The following SMAP2 variants were observed in gnomAD, a reference collection of about 807,000 sequenced individuals.
SMAP2 encodes stromal membrane-associated protein 2.
A neutral mutation model predicts 56.4 loss-of-function variants in SMAP2; 25 were observed. The observed-to-expected ratio is 0.44, with a 90% CI of 0.32 to 0.62. The LOEUF (loss-of-function observed/expected upper bound fraction) is 0.62, where lower values mean the gene tolerates loss of function less well. Ranked by LOEUF, SMAP2 falls within the 20% of genes least tolerant of loss-of-function variation. The probability of loss-of-function intolerance (pLI) is 0.04; values close to 1 mark genes in which losing one functional copy is unlikely to be tolerated. For synonymous variants in SMAP2, 157 were observed against 181.7 expected (o/e 0.86, Z 1.09); for missense variants, 388 against 545.6 (o/e 0.71, Z 2.88).
At chr1:40,419,659 A>G (rs1645024110) in intron 9 of SMAP2, among the ~76,000 whole-genome samples, 1 of 152,244 alleles carries the variant, frequency 6.6e-6, no homozygotes, top group African/African-American at 2.4e-5. Flanking sequence ...GATGGAGTTG[A>G]GACCAAACAT....
At chr1:40,383,503 G>A (rs1278780740) in intron 1 of SMAP2, among the ~76,000 whole-genome samples, 1 of 152,196 alleles carries the variant, frequency 6.6e-6, no homozygotes, top group Non-Finnish European at 1.5e-5. Flanking sequence ...TCCCCTTATA[G>A]TATTTGAATT....
chr1:40,413,947 G>A (rs931049726), intron 5 of SMAP2: 54 of 518,288 alleles, frequency 1.0e-4, no homozygotes, highest in Admixed American at 2.6e-4. Context: ...AATCACAGGC[G>A]ATATCTTTGT....
intron 1 of SMAP2, among the ~76,000 whole-genome samples, chr1:40,399,928 G>A (rs1644815443): frequency 6.6e-6 from 1 of 152,158 alleles, no homozygotes. Context: ...GTTGATAATT[G>A]CTGAAGCTCA....
At chr1:40,410,819 T>C (rs1387723982) in intron 4 of SMAP2, among the ~76,000 whole-genome samples, 1 of 152,194 alleles carries the variant, frequency 6.6e-6, no homozygotes, top group African/African-American at 2.4e-5. Context: ...CCAATAGATA[T>C]GACTATTTAT....
At chr1:40,354,409 C>T (rs958265928) in intron 1 of SMAP2, among the ~76,000 whole-genome samples, 1 of 151,992 alleles carries the variant, frequency 6.6e-6, no homozygotes, top group East Asian at 1.9e-4. Context: ...GGCGTGATCC[C>T]GGCTCACTGA....
chr1:40,352,149 A>G (rs1407092709), intron 1 of SMAP2, among the ~76,000 whole-genome samples: 1 of 152,208 alleles, frequency 6.6e-6, no homozygotes, highest in Non-Finnish European at 1.5e-5. Context: ...GGTTGATATT[A>G]TAAATAATGT....
intron 1 of SMAP2, among the ~76,000 whole-genome samples, chr1:40,376,601 G>T (rs889719760): frequency 1.3e-5 from 2 of 152,014 alleles, no homozygotes; most frequent in Non-Finnish European, 2.9e-5. Flanking sequence ...TCTAATTTTG[G>T]TTGTCATAAT....
intron 2 of SMAP2, among the ~76,000 whole-genome samples, chr1:40,407,882 A>T (rs1644900366): frequency 6.6e-6 from 1 of 152,202 alleles, no homozygotes; most frequent in Non-Finnish European, 1.5e-5. Context: ...TAAGTTAATG[A>T]GTCTGGCTGG....
chr1:40,345,389 G>GAA (rs1218776293), intron 1 of SMAP2, among the ~76,000 whole-genome samples: 2 of 139,210 alleles, frequency 1.4e-5, no homozygotes, highest in Non-Finnish European at 3.2e-5. Flanking sequence ...TGTCTCTAAG[G>GAA]AAAAAAAAAA....
chr1:40,377,260 C>T (rs145326153), intron 1 of SMAP2, among the ~76,000 whole-genome samples: 12 of 152,304 alleles, frequency 7.9e-5, no homozygotes, highest in Non-Finnish European at 1.5e-4. Flanking sequence ...AGTGCCACTG[C>T]GCTGCAGCCT....
chr1:40,364,613 G>A (rs1455355890), intron 2 of SMAP2, among the ~76,000 whole-genome samples: 2 of 152,000 alleles, frequency 1.3e-5, no homozygotes, highest in Admixed American at 6.5e-5. Context: ...ACATGGTGAT[G>A]TACGCCTGTA....
chr1:40,387,859 C>A (rs889035339), intron 1 of SMAP2, among the ~76,000 whole-genome samples: 10 of 138,504 alleles, frequency 7.2e-5, no homozygotes, highest in African/African-American at 2.7e-4. Context: ...TGGAGGGAGC[C>A]AGCTCCGGGA....
chr1:40,403,238 G>C (rs1478587058), intron 1 of SMAP2, among the ~76,000 whole-genome samples: 1 of 152,182 alleles, frequency 6.6e-6, no homozygotes, highest in Admixed American at 6.5e-5. Flanking sequence ...GAGCGCGGTG[G>C]CTCACGCCTG....
intron 1 of SMAP2, among the ~76,000 whole-genome samples, chr1:40,350,865 T>C (rs1021387773): frequency 2.0e-5 from 3 of 152,258 alleles, no homozygotes; most frequent in African/African-American, 7.2e-5. Flanking sequence ...TGTTGTTCAC[T>C]GGGATTTTTA....
At position 40,386,853 on chromosome 1, in the gene SMAP2, C is replaced by CTTTTTT. The variant is rs57984975; in HGVS notation, c.103+12643_103+12648dup. 7.9e-6 allele frequency among the ~76,000 whole-genome samples: 1 copy of CTTTTTT among 127,358 alleles called. No individual in the cohort carries two copies. Among genetic ancestry groups the CTTTTTT allele is most frequent in the South Asian group, 2.5e-4 (1 of 4,036 alleles). The allele number at this position is 127,358 out of a possible 152,430, so 83.6% of individuals were successfully genotyped here. A position where few individuals can be genotyped will look rare whatever the true frequency, so the allele number is the denominator to read the frequency against. On this transcript the variant is annotated intron_variant, in intron 1 of 9. Coordinates refer to ENST00000372718, the MANE Select transcript of SMAP2 (RefSeq NM_022733.3). This position sits in a 1 kb window ranked among gnomAD's most constrained non-coding sequence, Gnocchi z 4.1. ...GATGCTGAAGGTATTTTTCATAATT[C>CTTTTTT]TTTTTTTTTTTTTTTTTTGGAGACA...
intron 7 of SMAP2, 33 bp from the exon 8 acceptor site, chr1:40,416,143 T>A: frequency 1.3e-6 from 2 of 1,596,486 alleles, no homozygotes; most frequent in Non-Finnish European, 1.7e-6. Context: ...ATGAGAACCA[T>A]TTCAATTCTC....
chr1:40,376,045 G>C (rs979025012), intron 1 of SMAP2, among the ~76,000 whole-genome samples: 1 of 152,062 alleles, frequency 6.6e-6, no homozygotes, highest in Non-Finnish European at 1.5e-5. Flanking sequence ...CTGCCTCCCG[G>C]GTTCAAGTGA....
chr1:40,374,532 A>G lies in SMAP2; in HGVS notation c.103+309A>G, dbSNP rs1569836914. The stretch of plus-strand genomic sequence containing the variant: ...AATGAGTTCTGGGCCGGCTGTCCAG[A>G]GAGAGCTCCCAGCATGTCACTTGCA... On this transcript the variant is annotated intron_variant, in intron 1 of 9. Coordinates refer to ENST00000372718, the MANE Select transcript of SMAP2 (RefSeq NM_022733.3). The surrounding 1 kb of genome is among the most constrained non-coding windows in gnomAD (Gnocchi z 5.9). 2 of 931,650 alleles carry G rather than the reference A, an allele frequency of 2.1e-6. No individual in the cohort carries two copies. Among genetic ancestry groups the G allele is most frequent in the East Asian group, 5.2e-5 (2 of 38,148 alleles). 57.7% of individuals were successfully genotyped at this position (931,650 alleles called of 1,614,324 possible). A position where few individuals can be genotyped will look rare whatever the true frequency, so the allele number is the denominator to read the frequency against.
chr1:40,406,750 T>G lies in SMAP2; in HGVS notation c.118T>G (p.Ser40Ala). The change falls in exon 2 of 10, where the codon TCT becomes GCT. Residue 40 changes from serine (S) to alanine (A), a missense_variant. Ser to Ala is a moderately conservative substitution (Grantham distance 99). Coordinates refer to ENST00000372718, the MANE Select transcript of SMAP2 (RefSeq NM_022733.3). ...DCQSKGPRWA[S>A]WNIGVFICIR... is the part of the protein sequence containing the mutation. ...GACTTTCACAGGGCCGCGATGGGCC[T>G]CTTGGAACATTGGTGTGTTCATCTG... 1 of 1,613,642 alleles carries G rather than the reference T, an allele frequency of 6.2e-7. No homozygotes were observed. The highest frequency in any genetic ancestry group is 8.5e-7 in the Non-Finnish European group (1 of 1,179,606).
Sources: allele counts gnomAD v4.1 joint callset (sites outside exome capture counted in the v4.1 genomes callset), GRCh38; gene constraint gnomAD v4.1.1; non-coding constraint Gnocchi (gnomAD v3.1); transcripts MANE v1.5; gene names NCBI Gene and HGNC (gene_info 2026-07-23, HGNC 2026-07-21).